The following IGLL5 variants were observed in gnomAD, a reference collection of about 807,000 sequenced individuals.
The protein encoded by IGLL5 is immunoglobulin lambda like polypeptide 5.
IGLL5 carries 30 observed loss-of-function variants against 20.9 expected under a neutral mutation model. The ratio of observed to expected loss-of-function variants is 1.44; its 90% confidence interval spans 1.07 to 1.95. The LOEUF (loss-of-function observed/expected upper bound fraction) is 1.95. IGLL5 is among the 30% of genes most tolerant of loss of function. IGLL5 has a pLI of 0.00. For missense variants in IGLL5, 475 were observed against 270.7 expected (o/e 1.75, Z -5.30); for synonymous variants, 203 against 117.3 (o/e 1.73, Z -4.72).
In IGLL5 at chr22:22,894,139, A is replaced by G. The variant is rs890284192; in HGVS notation, c.325+321A>G. Among the ~76,000 whole-genome samples the G allele has an allele frequency of 5.3e-5, 8 of 151,424 alleles. No individual in the cohort carries two copies. The East Asian group carries it at 6.1e-4, about 11-fold the overall frequency. On this transcript the variant is annotated intron_variant, in intron 2 of 2. Coordinates refer to ENST00000526893, the MANE Select transcript of IGLL5 (RefSeq NM_001178126.2). ...TGATGAGGGGCCCTGCAGTGTCCTTAGGGACATTGCCCAGTGACTCCTGGG... is the reference window on the plus strand; with the variant it reads ...TGATGAGGGGCCCTGCAGTGTCCTTGGGGACATTGCCCAGTGACTCCTGGG...
intron 2 of IGLL5, among the ~76,000 whole-genome samples, chr22:22,894,352 T>A (rs2068020542): frequency 6.6e-6 from 1 of 151,426 alleles, no homozygotes; most frequent in African/African-American, 2.4e-5. Context: ...GAGAGGGCTC[T>A]GGGTCTAGGC....
intron 2 of IGLL5, 119 bp downstream of exon 2, chr22:22,893,937 CTT>C: frequency 1.3e-6 from 1 of 772,952 alleles, no homozygotes; most frequent in East Asian, 2.5e-5. Context: ...TGACCCTTAC[CTT>C]TCTCCATGGG....
chr22:22,894,107 C>T (rs757014028), intron 2 of IGLL5, among the ~76,000 whole-genome samples: 2 of 151,428 alleles, frequency 1.3e-5, no homozygotes, highest in Non-Finnish European at 1.5e-5. Context: ...GGGACAGAGG[C>T]TGGTTCTGAT....
At chr22:22,888,435 T>G (rs138038569) in intron 1 of IGLL5, among the ~76,000 whole-genome samples, 176 bp downstream of exon 1, 19 of 151,380 alleles carry the variant, frequency 1.3e-4, no homozygotes, top group South Asian at 2.1e-4. Context: ...TTGTTTGAAT[T>G]ACTGTTTTTA....
chr22:22,888,978 A>AGGCT, intron 1 of IGLL5, among the ~76,000 whole-genome samples: 1 of 151,348 alleles, frequency 6.6e-6, no homozygotes, highest in Admixed American at 6.6e-5. Context: ...GCACAGGATG[A>AGGCT]GGCTGGGAGC....
chr22:22,888,847 G>C (rs2067655427), intron 1 of IGLL5, among the ~76,000 whole-genome samples: 1 of 151,456 alleles, frequency 6.6e-6, no homozygotes, highest in Admixed American at 6.6e-5. Flanking sequence ...CCCATGTTTG[G>C]AGCAATAAAG....
chr22:22,888,700 A>G lies in IGLL5; in HGVS notation c.206+441A>G, dbSNP rs139785926. ...GGGGCCACTCCCTGGAGAAGGCAGC[A>G]AGGGCTTGGTTTGGTCTCCCCCAAG... On this transcript the variant is annotated intron_variant, in intron 1 of 2. Transcript: ENST00000526893. 9.9e-5 allele frequency among the ~76,000 whole-genome samples: 15 copies of G among 151,272 alleles called. 1 individual carries two copies. Among genetic ancestry groups the G allele is most frequent in the East Asian group, 6.1e-4 (3 of 4,902 alleles).
At chr22:22,891,718 CTTTG>C (rs1000284846) in intron 1 of IGLL5, among the ~76,000 whole-genome samples, 12 of 151,256 alleles carry the variant, frequency 7.9e-5, no homozygotes, top group African/African-American at 2.9e-4. Context: ...ATCTTGCACA[CTTTG>C]TTTTTTATTC....
At chr22:22,894,663 A>G (rs952805947) in intron 2 of IGLL5, among the ~76,000 whole-genome samples, 13 of 151,226 alleles carry the variant, frequency 8.6e-5, no homozygotes, top group South Asian at 2.1e-4. Context: ...GGGTCATCAC[A>G]GGCTGCTGGG....
chr22:22,895,084 G>A lies in IGLL5; in HGVS notation c.326-291G>A, dbSNP rs541532204. 5.3e-5 allele frequency among the ~76,000 whole-genome samples: 8 copies of A among 151,480 alleles called. No individual in the cohort carries two copies. The East Asian group carries it at 1.6e-3, about 30-fold the overall frequency. ...CTAAACTCAGACTCCAGAGATCAGA[G>A]AAGAAGGAACACAGCCTGCCCTGGG... On this transcript the variant is annotated intron_variant, in intron 2 of 2. Coordinates refer to ENST00000526893, the MANE Select transcript of IGLL5 (RefSeq NM_001178126.2).
chr22:22,894,294 G>A (rs2068012545), intron 2 of IGLL5, among the ~76,000 whole-genome samples: 2 of 151,318 alleles, frequency 1.3e-5, no homozygotes, highest in Admixed American at 6.6e-5. Flanking sequence ...GGGCCACACG[G>A]CCTGGTGACA....
At chr22:22,888,849 G>A (rs575349641) in intron 1 of IGLL5, among the ~76,000 whole-genome samples, 14 of 151,408 alleles carry the variant, frequency 9.2e-5, no homozygotes, top group South Asian at 4.2e-4. Flanking sequence ...CATGTTTGGA[G>A]CAATAAAGGG....
At position 22,888,070 on chromosome 22, in the gene IGLL5, G is replaced by A. The variant is rs1331308322; in HGVS notation, c.17G>A (p.Gly6Asp). The A allele has an allele frequency of 6.5e-7, 1 of 1,549,240 alleles. No individual in the cohort carries two copies. The highest frequency in any genetic ancestry group is 8.7e-7 in the Non-Finnish European group (1 of 1,146,528). ...TGAAGGCCAATGAGACCCAAGACAG[G>A]CCAAGTGGGTTGTGAGACCCCTGAG... is the stretch of plus-strand genomic sequence containing the variant. The part of the protein sequence containing the change: MRPKT[G>D]QVGCETPEEL... Residue 6 changes from glycine to aspartate, a missense_variant, in exon 1 of 3, where the codon GGC becomes GAC. By Grantham distance (94) the Gly-to-Asp change is moderately conservative. Coordinates refer to ENST00000526893, the MANE Select transcript of IGLL5 (RefSeq NM_001178126.2).
intron 2 of IGLL5, 78 bp downstream of exon 2, chr22:22,893,896 T>TCCTCCCCTCTG: frequency 1.0e-6 from 1 of 985,846 alleles, no homozygotes; most frequent in South Asian, 1.3e-5. Context: ...CTCTGGGGCT[T>TCCTCCCCTCTG]CCTCCCCTCT....
intron 1 of IGLL5, among the ~76,000 whole-genome samples, chr22:22,889,562 T>G (rs2145997607): frequency 6.6e-6 from 1 of 151,246 alleles, no homozygotes; most frequent in African/African-American, 2.4e-5. Flanking sequence ...AGAAAGGGTG[T>G]GAAAAAACAC....
Position 22,887,994 on chromosome 22 carries a change from C to A in IGLL5, c.-60C>A. 1 of 1,367,432 alleles carries A rather than the reference C, an allele frequency of 7.3e-7. No individual in the cohort carries two copies. Among genetic ancestry groups the A allele is most frequent in the Non-Finnish European group, 1.0e-6 (1 of 981,208 alleles). The allele number at this position is 1,367,432 out of a possible 1,614,324, so 84.7% of individuals were successfully genotyped here. ...CTGCTGGCGAGAGGGACCAGGGCAC[C>A]GTCCTCCAGGGAGCCCATGCTGCAA... On this transcript the variant is annotated 5_prime_UTR_variant, in exon 1 of 3. Transcript: ENST00000526893.
chr22:22,893,977 G>C (rs1601622364), intron 2 of IGLL5, among the ~76,000 whole-genome samples, 159 bp downstream of exon 2: 9 of 151,230 alleles, frequency 6.0e-5, no homozygotes, highest in South Asian at 2.1e-4. Context: ...TAGTCTCCGG[G>C]TAACCGGCAG....
chr22:22,894,314 C>G (rs559213539), intron 2 of IGLL5, among the ~76,000 whole-genome samples: 1 of 151,356 alleles, frequency 6.6e-6, no homozygotes, highest in African/African-American at 2.4e-5. Flanking sequence ...ACAGAGGTCA[C>G]CCCAAGGGGA....
intron 2 of IGLL5, among the ~76,000 whole-genome samples, chr22:22,894,025 G>C (rs1170644298): frequency 3.3e-5 from 5 of 149,830 alleles, no homozygotes; most frequent in South Asian, 2.2e-4. Context: ...GATGCAGCCT[G>C]GTCCCGGGGC....
Sources: gnomAD v4.1 joint callset for allele counts (sites outside exome capture counted in the v4.1 genomes callset) on GRCh38, gnomAD v4.1.1 for gene constraint, MANE v1.5 for transcripts, NCBI Gene and HGNC (gene_info 2026-07-23, HGNC 2026-07-21) for gene names.